FAM149B1: variants seen among roughly 807,000 people sequenced by gnomAD.
FAM149B1 encodes the protein primary cilium assembly protein FAM149B1.
Under a neutral mutation model 75.3 loss-of-function variants are expected in FAM149B1, and 56 were observed. The observed-to-expected ratio is 0.74, with a 90% CI of 0.60 to 0.93. FAM149B1 has a LOEUF of 0.93. FAM149B1 is among the 40% of genes least tolerant of loss of function. The pLI, the probability that FAM149B1 is intolerant of heterozygous loss-of-function variation, is 0.00. For missense variants in FAM149B1, 639 were observed against 708.4 expected, an observed-to-expected ratio of 0.90 and a Z score of 1.11; for synonymous variants, 259 against 256.1, an observed-to-expected ratio of 1.01 and a Z score of -0.11.
rs767041717 is a variant in FAM149B1 at position 73,230,477 on chromosome 10, A to G, written c.1079A>G (p.His360Arg). Residue 360 changes from histidine (H) to arginine (R), a missense_variant, in exon 9 of 14, where the codon CAT becomes CGT. Coordinates refer to ENST00000242505, the MANE Select transcript of FAM149B1 (RefSeq NM_173348.2). ...CCAAATGTGAATGATCTCTTGGTTC[A>G]TGGAATGCCTCTACAGCCAAGAAAT... The part of the protein sequence containing the change: ...HQPNVNDLLV[H>R]GMPLQPRNLS... 4.6e-5 allele frequency: 72 copies of G among 1,549,956 alleles called. No homozygotes were observed. The highest frequency in any genetic ancestry group is 6.3e-5 in the Non-Finnish European group (72 of 1,145,348).
At chr10:73,222,592 C>T (rs1051954037) in intron 7 of FAM149B1, among the ~76,000 whole-genome samples, 3 of 152,182 alleles carry the variant, frequency 2.0e-5, no homozygotes, top group Non-Finnish European at 4.4e-5. Context: ...TCTCTGGACT[C>T]TCAACTCAGG....
chr10:73,244,035 T>C lies in FAM149B1; in HGVS notation c.*3016T>C. On this transcript the variant is annotated 3_prime_UTR_variant, in exon 14 of 14. Transcript: ENST00000242505. ...ATTCTGTTTCAATTTTATGAATATA[T>C]GAATAGACAAAATGAATCGAATTAC... 4.6e-6 allele frequency: 4 copies of C among 871,586 alleles called. No homozygotes were observed. Among genetic ancestry groups the C allele is most frequent in the Non-Finnish European group, 5.4e-6 (3 of 553,864 alleles). 54.0% of individuals were successfully genotyped at this position (871,586 alleles called of 1,614,324 possible).
At chr10:73,228,644 C>A (rs745593976) in intron 8 of FAM149B1, among the ~76,000 whole-genome samples, 1 of 152,086 alleles carries the variant, frequency 6.6e-6, no homozygotes, top group Non-Finnish European at 1.5e-5. Context: ...GTCACCCAGG[C>A]TGGAGCGCAG....
At chr10:73,210,132 A>C in intron 6 of FAM149B1, 119 bp from the exon 7 acceptor site, 1 of 670,706 alleles carries the variant, frequency 1.5e-6, no homozygotes, top group Non-Finnish European at 2.5e-6. Flanking sequence ...TTGTCAAATT[A>C]ATTCTATTTT....
At chr10:73,229,608 A>G (rs1190500524) in intron 8 of FAM149B1, among the ~76,000 whole-genome samples, 1 of 152,158 alleles carries the variant, frequency 6.6e-6, no homozygotes, top group Non-Finnish European at 1.5e-5. Flanking sequence ...AAGGCTCGTA[A>G]GTCACCACAC....
chr10:73,225,570 T>A (rs1309894912), intron 7 of FAM149B1, among the ~76,000 whole-genome samples: 2 of 152,168 alleles, frequency 1.3e-5, no homozygotes, highest in Non-Finnish European at 2.9e-5. Flanking sequence ...GTTAAAAAAA[T>A]AAAAAATTTA....
chr10:73,187,516 G>T lies in FAM149B1; in HGVS notation c.283-5040G>T, dbSNP rs544367447. On this transcript the variant is annotated intron_variant, in intron 3 of 13. Transcript: ENST00000242505. ...AGGCCGAGGTGGGCGGATCACCTGA[G>T]GTCTGGAGTTCGAGACCAGCCTGAC... 5.3e-5 allele frequency among the ~76,000 whole-genome samples: 8 copies of T among 151,988 alleles called. No individual in the cohort carries two copies. The East Asian group carries it at 1.5e-3, about 29-fold the overall frequency.
In FAM149B1 at chr10:73,241,134, AAG is replaced by A; in HGVS notation, c.*118_*119del. The A allele has an allele frequency of 1.4e-6, 1 of 719,124 alleles. No homozygotes were observed. Among genetic ancestry groups the A allele is most frequent in the Non-Finnish European group, 2.4e-6 (1 of 408,242 alleles). The allele number at this position is 719,124 out of a possible 1,614,324, so 44.5% of individuals were successfully genotyped here. ...AGATCGACTAGAAATCATCTTCATGAAGAGTGATTTTGGCACAAGTGACCGAA... is the reference window on the plus strand; with the variant it reads ...AGATCGACTAGAAATCATCTTCATGAAGTGATTTTGGCACAAGTGACCGAA... On this transcript the variant is annotated 3_prime_UTR_variant, in exon 14 of 14. Transcript: ENST00000242505.
chr10:73,232,569 A>G (rs897130558), intron 9 of FAM149B1, among the ~76,000 whole-genome samples: 8 of 152,238 alleles, frequency 5.3e-5, no homozygotes, highest in Non-Finnish European at 1.0e-4. Flanking sequence ...AGAATGCCTC[A>G]AACAGAGTAG....
intron 7 of FAM149B1, among the ~76,000 whole-genome samples, chr10:73,217,899 G>A (rs1171764441): frequency 2.0e-5 from 3 of 152,152 alleles, no homozygotes; most frequent in African/African-American, 7.2e-5. Flanking sequence ...CCTCACTCAC[G>A]TGGTTTTCAA....
chr10:73,212,865 T>C lies in FAM149B1; in HGVS notation c.898+2427T>C, dbSNP rs527293342. ...TCTCACTCTCTCTCTCTCTCTGTGTTTCTCTCTCTCTCTGTCACCCAGGCT... is the reference window on the plus strand; with the variant it reads ...TCTCACTCTCTCTCTCTCTCTGTGTCTCTCTCTCTCTCTGTCACCCAGGCT... On this transcript the variant is annotated intron_variant, in intron 7 of 13. Transcript: ENST00000242505. Among the ~76,000 whole-genome samples, 4 of 150,788 alleles carry C rather than the reference T, an allele frequency of 2.7e-5. No homozygotes were observed. In the South Asian group the frequency reaches 6.3e-4, roughly 24 times the overall value.
intron 5 of FAM149B1, chr10:73,200,230 G>A: frequency 4.1e-6 from 1 of 243,484 alleles, no homozygotes; most frequent in Non-Finnish European, 8.2e-6. Flanking sequence ...TCGGGAGGCT[G>A]AGGCAGGAGA....
chr10:73,238,322 G>A (rs1178073592), intron 12 of FAM149B1, among the ~76,000 whole-genome samples: 2 of 152,186 alleles, frequency 1.3e-5, no homozygotes, highest in African/African-American at 4.8e-5. Context: ...ACTCCAACCT[G>A]GGCGACAGAG....
At chr10:73,226,687 A>G (rs2043558366) in intron 7 of FAM149B1, among the ~76,000 whole-genome samples, 1 of 152,232 alleles carries the variant, frequency 6.6e-6, no homozygotes, top group Non-Finnish European at 1.5e-5. Flanking sequence ...GTTACATGAA[A>G]GTATATAGAG....
chr10:73,171,372 T>A (rs1843705839), intron 1 of FAM149B1, among the ~76,000 whole-genome samples: 1 of 152,162 alleles, frequency 6.6e-6, no homozygotes, highest in Non-Finnish European at 1.5e-5. Flanking sequence ...TTCAAAGCAA[T>A]TTTTACTTTA....
At chr10:73,221,366 T>TAGTGA (rs141391466) in intron 7 of FAM149B1, among the ~76,000 whole-genome samples, 1 of 152,082 alleles carries the variant, frequency 6.6e-6, no homozygotes, top group East Asian at 1.9e-4. Context: ...TGATTAACTG[T>TAGTGA]TTCTTTTGTA....
At chr10:73,210,159 C>G (rs977814406) in intron 6 of FAM149B1, 92 bp from the exon 7 acceptor site, 1 of 783,362 alleles carries the variant, frequency 1.3e-6, no homozygotes, top group African/African-American at 1.8e-5. Flanking sequence ...TTCCTCAAAT[C>G]AAAGTGAATT....
intron 1 of FAM149B1, among the ~76,000 whole-genome samples, chr10:73,172,234 C>T (rs12244364): frequency 0.1 from 15,491 of 152,170 alleles, 1,141 homozygotes; most frequent in East Asian, 0.3. Context: ...GAATGAGAGA[C>T]ATACAGGTAA....
intron 3 of FAM149B1, among the ~76,000 whole-genome samples, chr10:73,184,091 TACAC>T (rs1458798157): frequency 3.3e-5 from 5 of 152,194 alleles, no homozygotes; most frequent in African/African-American, 1.2e-4. Flanking sequence ...CTAAGCTATC[TACAC>T]ATCCCTGGCT....
Sources: gnomAD v4.1 joint callset for allele counts (sites outside exome capture counted in the v4.1 genomes callset) on GRCh38, gnomAD v4.1.1 for gene constraint, MANE v1.5 for transcripts, NCBI Gene and HGNC (gene_info 2026-07-23, HGNC 2026-07-21) for gene names.